The following TLE6 variants were observed in gnomAD, a reference collection of about 807,000 sequenced individuals.
TLE6 encodes TLE family member 6, subcortical maternal complex member, also known as transducin-like enhancer protein 6.
In TLE6, 72 loss-of-function variants were observed where a neutral mutation model predicts 77.1. That is an observed-to-expected ratio of 0.93 (90% CI 0.77 to 1.14). The LOEUF (loss-of-function observed/expected upper bound fraction) is 1.14, where lower values mean the gene tolerates loss of function less well. Ranked by LOEUF, TLE6 falls within the 50% of genes most tolerant of loss-of-function variation. The probability of loss-of-function intolerance (pLI) is 0.00; values close to 1 mark genes in which losing one functional copy is unlikely to be tolerated. For missense variants in TLE6, 843 were observed against 747.6 expected, an observed-to-expected ratio of 1.13 and a Z score of -1.49; for synonymous variants, 366 against 287.3, an observed-to-expected ratio of 1.27 and a Z score of -2.77.
intron 11 of TLE6, among the ~76,000 whole-genome samples, chr19:2,988,783 G>C (rs887548944): frequency 6.6e-6 from 1 of 152,132 alleles, no homozygotes; most frequent in Non-Finnish European, 1.5e-5. Context: ...TCTGGGGAAG[G>C]AGCATAATAG....
At chr19:2,988,226 G>A in intron 11 of TLE6, 98 bp downstream of exon 11, 2 of 1,270,612 alleles carry the variant, frequency 1.6e-6, no homozygotes, top group South Asian at 2.7e-5. Flanking sequence ...GGGAACAGAG[G>A]TGTAAGACTT....
Position 2,995,064 on chromosome 19 carries a change from C to CCA in TLE6, c.*61_*62insAC, listed in dbSNP as rs1555687667. The stretch of plus-strand genomic sequence containing the variant: ...CTTTTCATCCCCCCCCTTCCCCCCC[C>CCA]CCAACAAGGGGGACATGGTGGAGGG... On this transcript the variant is annotated 3_prime_UTR_variant, in exon 17 of 17. Coordinates refer to ENST00000246112, the MANE Select transcript of TLE6 (RefSeq NM_001143986.2). 5 of 1,023,362 alleles carry CCA rather than the reference C, an allele frequency of 4.9e-6. No individual in the cohort carries two copies. In the East Asian group the frequency reaches 7.9e-5, roughly 16 times the overall value. 63.4% of individuals were successfully genotyped at this position (1,023,362 alleles called of 1,614,324 possible). A position where few individuals can be genotyped will look rare whatever the true frequency, so the allele number is the denominator to read the frequency against.
rs397697452 is a variant in TLE6, at chr19:2,994,110, T to TG, written c.1614+20dup. On this transcript the variant is annotated intron_variant, in intron 16 of 16. Coordinates refer to ENST00000246112, the MANE Select transcript of TLE6 (RefSeq NM_001143986.2). ...AAGTGTTCGAGGTACTGCGGTGGGCTGGGGGCAGGACCCGGGGGTGGCCCC... is the reference window on the plus strand; with the variant it reads ...AAGTGTTCGAGGTACTGCGGTGGGCTGGGGGGCAGGACCCGGGGGTGGCCCC... The TG allele has an allele frequency of 1.6e-5, 23 of 1,458,292 alleles. No individual in the cohort carries two copies. Among genetic ancestry groups the TG allele is most frequent in the African/African-American group, 6.5e-5 (3 of 45,940 alleles). The allele number at this position is 1,458,292 out of a possible 1,614,324, so 90.3% of individuals were successfully genotyped here. A position where few individuals can be genotyped will look rare whatever the true frequency, so the allele number is the denominator to read the frequency against.
At chr19:2,982,251 AG>A (rs1451142707) in intron 5 of TLE6, 62 bp downstream of exon 5, 4 of 1,535,674 alleles carry the variant, frequency 2.6e-6, no homozygotes, top group African/African-American at 2.8e-5. Flanking sequence ...GAAAGCACAG[AG>A]GGGGGCCGGG....
rs34831575 is a variant in TLE6 at position 2,994,905 on chromosome 19, T to G, written c.1620T>G (p.Pro540=). The G allele has an allele frequency of 4.1e-3, 6,425 of 1,562,840 alleles. No individual in the cohort carries two copies. The highest frequency in any genetic ancestry group is 5.2e-3 in the Non-Finnish European group (5,957 of 1,141,092). The part of the protein sequence containing the change: ...MPAGTKVFEV[P]EMSPVTCCDV... ...GCCCACTGCCCCCCCTCCAGGTGCCTGAGATGTCTCCAGTCACGTGCTGTG... is the reference window on the plus strand; with the variant it reads ...GCCCACTGCCCCCCCTCCAGGTGCCGGAGATGTCTCCAGTCACGTGCTGTG... The change falls in exon 17 of 17, where the codon CCT becomes CCG. Residue 540 remains proline, a synonymous_variant. Coordinates refer to ENST00000246112, the MANE Select transcript of TLE6 (RefSeq NM_001143986.2).
At chr19:2,989,382 C>A (rs3746075) in intron 12 of TLE6, 69 bp downstream of exon 12, 1 of 1,596,342 alleles carries the variant, frequency 6.3e-7, no homozygotes, top group Admixed American at 1.7e-5. Context: ...TTGAGTCTGG[C>A]AGAGCCCAGA....
Position 2,991,910 on chromosome 19 carries a change from G to A in TLE6, c.1312G>A (p.Gly438Ser). 6.2e-7 allele frequency: 1 copy of A among 1,613,740 alleles called. No individual in the cohort carries two copies. ...CAAGGGCTACAACATCTGGACTGGGGGTCCGGATGCCTGTCTGCGGTGCTG... is the reference window on the plus strand; with the variant it reads ...CAAGGGCTACAACATCTGGACTGGGAGTCCGGATGCCTGTCTGCGGTGCTG... ...VVKGYNIWTG[G>S]PDACLRCWDQ... Residue 438 changes from glycine (G) to serine (S), a missense_variant, in exon 14 of 17, where the codon GGT becomes AGT. By Grantham distance (56) the Gly-to-Ser change is moderately conservative (BLOSUM62 0). Transcript: ENST00000246112.
In TLE6 at chr19:2,987,711, T is replaced by A. The variant is rs1281165914; in HGVS notation, c.559-13T>A. 6.2e-7 allele frequency: 1 copy of A among 1,614,090 alleles called. No homozygotes were observed. On this transcript the variant is annotated splice_polypyrimidine_tract_variant and intron_variant, in intron 8 of 16. Coordinates refer to ENST00000246112, the MANE Select transcript of TLE6 (RefSeq NM_001143986.2). ...CAGGTCAGCAGGCCTGATGAGACTT[T>A]TCCATTTTCCAGGGGCAGGAAAGCA...
At chr19:2,992,447 G>A (rs1373467940) in intron 14 of TLE6, among the ~76,000 whole-genome samples, 1 of 152,006 alleles carries the variant, frequency 6.6e-6, no homozygotes, top group African/African-American at 2.4e-5. Flanking sequence ...ACTCCAGGCT[G>A]CGCAATAAGA....
chr19:2,993,578 C>T lies in TLE6; in HGVS notation c.1533C>T (p.Pro511=). The T allele has an allele frequency of 6.4e-7, 1 of 1,557,656 alleles. No individual in the cohort carries two copies. The highest frequency in any genetic ancestry group is 1.2e-5 in the South Asian group (1 of 84,888). ...TCATCCTGAGCGTCAAGTTCTCCCC[C>T]TTTGGTAAGCGGCTGGCGGAAGATG... ...DSVILSVKFS[P]FGQWWASVGM... Residue 511 remains proline (P), a synonymous_variant, in exon 15 of 17, where the codon CCC becomes CCT. Coordinates refer to ENST00000246112, the MANE Select transcript of TLE6 (RefSeq NM_001143986.2).
At chr19:2,977,861 C>T (rs1008811629) in intron 1 of TLE6, among the ~76,000 whole-genome samples, 2 of 152,166 alleles carry the variant, frequency 1.3e-5, no homozygotes, top group Non-Finnish European at 2.9e-5. Context: ...AGGAAATTGT[C>T]TCAAAACTAA....
chr19:2,990,292 G>A (rs1270785451), intron 13 of TLE6, among the ~76,000 whole-genome samples: 4 of 151,328 alleles, frequency 2.6e-5, no homozygotes, highest in African/African-American at 9.7e-5. Flanking sequence ...TTTTTATATA[G>A]TCTATTTAAA....
intron 5 of TLE6, among the ~76,000 whole-genome samples, chr19:2,982,390 TAGCC>T (rs2088816223): frequency 6.6e-6 from 1 of 151,588 alleles, no homozygotes; most frequent in Admixed American, 6.6e-5. Flanking sequence ...ATAAAAAAAT[TAGCC>T]AGGCGTGGTG....
intron 5 of TLE6, among the ~76,000 whole-genome samples, chr19:2,983,670 G>C (rs929104804): frequency 6.6e-6 from 1 of 151,688 alleles, no homozygotes. Context: ...CTTCAGGGAG[G>C]ACTTGGGCTT....
rs952445108 is a variant in TLE6, at chr19:2,986,883, T to C, written c.277T>C (p.Ser93Pro). The change falls in exon 6 of 17, where the codon TCT (serine) becomes CCT (proline). Residue 93 changes from serine to proline, a missense_variant. By Grantham distance (74) the Ser-to-Pro change is moderately conservative. Coordinates refer to ENST00000246112, the MANE Select transcript of TLE6 (RefSeq NM_001143986.2). ...ESCSQLQGFQ[S>P]EEVSPAEPAS... ...CTGCAGCCAACTCCAGGGTTTCCAG[T>C]CTGAGGAGGTGAGTTTCTGGGTCTT... 6.4e-7 allele frequency: 1 copy of C among 1,551,564 alleles called. No individual in the cohort carries two copies. The highest frequency in any genetic ancestry group is 1.4e-5 in the African/African-American group (1 of 72,982).
chr19:2,980,076 G>A lies in TLE6; in HGVS notation c.52-24G>A, dbSNP rs1389879217. On this transcript the variant is annotated intron_variant, in intron 2 of 16. Coordinates refer to ENST00000246112, the MANE Select transcript of TLE6 (RefSeq NM_001143986.2). The stretch of plus-strand genomic sequence containing the variant: ...GGTGTTGGAGCATTGTAAGTTTTAT[G>A]TAACCTTGCTTTGACCTTTCCAGCC... 3.9e-6 allele frequency: 6 copies of A among 1,537,228 alleles called. No homozygotes were observed. The East Asian group carries it at 1.5e-4, about 38-fold the overall frequency.
chr19:2,979,964 CAAA>C (rs58993753), intron 2 of TLE6, 133 bp from the exon 3 acceptor site: 1,145 of 366,620 alleles, frequency 3.1e-3, no homozygotes, highest in East Asian at 6.6e-3. Context: ...ACTCGGTTTC[CAAA>C]AAAAAAAAAA....
chr19:2,988,734 G>GT (rs760577635), intron 11 of TLE6, among the ~76,000 whole-genome samples: 23 of 152,272 alleles, frequency 1.5e-4, no homozygotes, highest in Admixed American at 1.0e-3. Flanking sequence ...ACCTTGTGGA[G>GT]TGATGCTGGG....
chr19:2,987,275 A>G (rs1213023729), intron 7 of TLE6, 37 bp downstream of exon 7: 2 of 1,614,034 alleles, frequency 1.2e-6, no homozygotes, highest in African/African-American at 2.7e-5. Context: ...AGGGGCAGCC[A>G]CAGGCTGCGT....
Sources: gnomAD v4.1 joint callset for allele counts (sites outside exome capture counted in the v4.1 genomes callset) on GRCh38, gnomAD v4.1.1 for gene constraint, MANE v1.5 for transcripts, NCBI Gene and HGNC (gene_info 2026-07-23, HGNC 2026-07-21) for gene names.